Variants in ZNF846 observed in about 807,000 individuals in gnomAD.
The protein encoded by ZNF846 is zinc finger protein 846.
In ZNF846, 15 loss-of-function variants were observed where a neutral mutation model predicts 16.0. That is an observed-to-expected ratio of 0.94 (90% CI 0.63 to 1.45). The LOEUF is 1.45. ZNF846 is among the 40% of genes most tolerant of loss of function. The pLI, the probability that ZNF846 is intolerant of heterozygous loss-of-function variation, is 0.00. For synonymous variants in ZNF846, 229 were observed against 212.0 expected (o/e 1.08, Z -0.70); for missense variants, 714 against 622.3 (o/e 1.15, Z -1.57).
At chr19:9,772,149 C>G (rs1451943755), upstream of ZNF846, among the ~76,000 whole-genome samples, 1 of 152,094 alleles carries the variant, frequency 6.6e-6, no homozygotes, top group African/African-American at 2.4e-5. Flanking sequence ...CTTTGTCAAC[C>G]ATCATTAGAC....
At chr19:9,779,571 A>ATTT (rs781610244) in intron 1 of ZNF846, among the ~76,000 whole-genome samples, 2 of 101,324 alleles carry the variant, frequency 2.0e-5, no homozygotes, top group Admixed American at 1.0e-4. Flanking sequence ...CCCCACCAGA[A>ATTT]TTTTTTTTTT....
downstream of ZNF846, chr19:9,751,923 T>G (rs2045086651): frequency 6.5e-6 from 1 of 153,296 alleles, no homozygotes; most frequent in African/African-American, 2.4e-5. Context: ...ACAGCCTTGT[T>G]GCTCACACTA....
intron 1 of ZNF846, among the ~76,000 whole-genome samples, chr19:9,780,198 T>C (rs374739559): frequency 1.3e-5 from 2 of 151,882 alleles, no homozygotes; most frequent in Non-Finnish European, 2.9e-5. Context: ...CCACTCTTTT[T>C]TTCTTTCTGT....
chr19:9,779,493 C>T (rs765371394), intron 1 of ZNF846, among the ~76,000 whole-genome samples: 52 of 152,006 alleles, frequency 3.4e-4, no homozygotes, highest in Admixed American at 8.5e-4. Flanking sequence ...GTCTCAAACT[C>T]CCGACCTCAG....
At chr19:9,759,543 C>T (rs1276487940) in intron 5 of ZNF846, among the ~76,000 whole-genome samples, 1 of 151,652 alleles carries the variant, frequency 6.6e-6, no homozygotes, top group African/African-American at 2.4e-5. Flanking sequence ...ACAGAGGTTG[C>T]AGTGAGCCAA....
chr19:9,764,923 G>A lies in ZNF846; in HGVS notation c.15+13C>T, dbSNP rs568719357. The A allele has an allele frequency of 1.9e-6, 3 of 1,614,088 alleles. No homozygotes were observed. Among genetic ancestry groups the A allele is most frequent in the South Asian group, 1.1e-5 (1 of 91,072 alleles). ...AGCATAACATTTTGAAGTTAGGTCT[G>A]CTTTCCACTTGCCTGAGAAGAATCC... On this transcript the variant is annotated intron_variant, in intron 2 of 5. Coordinates refer to ENST00000397902, the Ensembl canonical transcript of ZNF846.
chr19:9,764,050 G>A (rs2045274410), intron 2 of ZNF846, among the ~76,000 whole-genome samples: 1 of 152,192 alleles, frequency 6.6e-6, no homozygotes, highest in African/African-American at 2.4e-5. Flanking sequence ...GTGCAGTCAG[G>A]GAGGTTTCAC....
chr19:9,754,920 C>T (rs1308880765), downstream of ZNF846, among the ~76,000 whole-genome samples: 1 of 150,738 alleles, frequency 6.6e-6, no homozygotes, highest in Non-Finnish European at 1.5e-5. Flanking sequence ...GGCTGGAGTC[C>T]AATGGTGCGA....
chr19:9,756,343 G>GTGTGTGTA (rs1555711358), downstream of ZNF846: 1 of 71,182 alleles, frequency 1.4e-5, no homozygotes, highest in Non-Finnish European at 2.5e-5. Context: ...GTGTGTGTGT[G>GTGTGTGTA]TGTATATATA....
downstream of ZNF846, chr19:9,757,406 T>C: frequency 7.7e-6 from 10 of 1,303,988 alleles, no homozygotes; most frequent in Non-Finnish European, 1.1e-5. Context: ...AGGTTGTTCA[T>C]ATTCTTTACC....
intron 1 of ZNF846, among the ~76,000 whole-genome samples, chr19:9,783,537 A>AT (rs1187196461): frequency 0.011 from 1,447 of 131,118 alleles, 16 homozygotes; most frequent in Non-Finnish European, 0.018. Context: ...AAAAAAAAAA[A>AT]AAAAAAAATA....
downstream of ZNF846, among the ~76,000 whole-genome samples, chr19:9,749,546 C>CTTTTTTTT (rs60331343): frequency 2.5e-4 from 31 of 125,532 alleles, no homozygotes; most frequent in East Asian, 9.2e-4. Flanking sequence ...ATAAGTCTTT[C>CTTTTTTTT]TTTTTTTTTT....
intron 3 of ZNF846, chr19:9,762,467 C>T (rs2045246569): frequency 4.1e-6 from 1 of 246,664 alleles, no homozygotes; most frequent in Non-Finnish European, 7.9e-6. Context: ...GTGAAACTTC[C>T]TCTCTACTAA....
At chr19:9,755,189 C>T (rs186697677), downstream of ZNF846, among the ~76,000 whole-genome samples, 4 of 151,620 alleles carry the variant, frequency 2.6e-5, no homozygotes, top group Admixed American at 2.0e-4. Context: ...CTAACATCCA[C>T]TGTACAGTCC....
At chr19:9,774,711 C>G in intron 1 of ZNF846, 1 of 1,527,078 alleles carries the variant, frequency 6.5e-7, no homozygotes, top group Non-Finnish European at 9.1e-7. Flanking sequence ...ACATTTAAAA[C>G]AAAGATCTAT....
intron 1 of ZNF846, among the ~76,000 whole-genome samples, chr19:9,784,351 T>C (rs117560099): frequency 0.015 from 2,324 of 152,218 alleles, 44 homozygotes; most frequent in Admixed American, 0.027. Context: ...CACAAATAAG[T>C]TTAAGGAACG....
chr19:9,766,412 CAAA>C (rs58139573), intron 1 of ZNF846, among the ~76,000 whole-genome samples: 2 of 72,402 alleles, frequency 2.8e-5, no homozygotes, highest in African/African-American at 4.0e-5. Flanking sequence ...GACTCTGTCA[CAAA>C]AAAAAAAAAA....
chr19:9,780,876 T>A, intron 1 of ZNF846, among the ~76,000 whole-genome samples: 1 of 152,188 alleles, frequency 6.6e-6, no homozygotes, highest in East Asian at 1.9e-4. Context: ...TGGCTGCACA[T>A]TAGATTCACT....
At chr19:9,750,505 C>T (rs1377457452), downstream of ZNF846, among the ~76,000 whole-genome samples, 1 of 152,098 alleles carries the variant, frequency 6.6e-6, no homozygotes, top group Non-Finnish European at 1.5e-5. Flanking sequence ...CCAGTTATGC[C>T]TGACACAAGC....
Sources: gnomAD v4.1 joint callset for allele counts (sites outside exome capture counted in the v4.1 genomes callset) on GRCh38, gnomAD v4.1.1 for gene constraint, MANE v1.5 for transcripts, NCBI Gene and HGNC (gene_info 2026-07-23, HGNC 2026-07-21) for gene names.